Variants in ABCB9 observed in about 807,000 individuals in gnomAD.
ABCB9 encodes the protein ATP binding cassette subfamily B member 9, also known as ABC-type oligopeptide transporter ABCB9.
In ABCB9, 36 loss-of-function variants were observed where a neutral mutation model predicts 62.0. The observed-to-expected ratio is 0.58, with a 90% CI of 0.45 to 0.77. The LOEUF is 0.77. Ranked by LOEUF, ABCB9 falls within the 30% of genes least tolerant of loss-of-function variation. ABCB9 has a pLI of 0.00. For missense variants in ABCB9, 943 were observed against 1,054.7 expected (o/e 0.89, Z 1.47); for synonymous variants, 435 against 461.4 (o/e 0.94, Z 0.73).
downstream of ABCB9, among the ~76,000 whole-genome samples, chr12:122,920,120 G>A (rs1460165353): frequency 2.6e-5 from 4 of 151,832 alleles, no homozygotes; most frequent in African/African-American, 9.7e-5. Context: ...ACCTCAAGTG[G>A]TCCGCCTGCC....
rs1312224494 is a variant in ABCB9, at chr12:122,930,075, G to T, written c.2137C>A (p.Leu713Met). 1.9e-6 allele frequency: 3 copies of T among 1,565,404 alleles called. No individual in the cohort carries two copies. In the Admixed American group the frequency reaches 5.7e-5, roughly 30 times the overall value. ...TGCTGCACTACGCGGCCCTTGTCCA[G>T]CACCACAATGAGGTGCGCGTGCTCC... ...TVEHAHLIVV[L>M]DKGRVVQQGT... Residue 713 changes from leucine (L) to methionine (M), a missense_variant, in exon 12 of 12, where the codon CTG becomes ATG. Transcript: ENST00000280560. The surrounding 1 kb of genome is among the most constrained non-coding windows in gnomAD (Gnocchi z 4.9).
intron 1 of ABCB9, among the ~76,000 whole-genome samples, chr12:122,963,242 G>A (rs1403439953): frequency 1.3e-5 from 2 of 152,192 alleles, no homozygotes; most frequent in Non-Finnish European, 2.9e-5. Context: ...AGGTTGCGGT[G>A]AGCCGAGATT....
At chr12:122,936,858 C>G (rs2035482298) in intron 9 of ABCB9, among the ~76,000 whole-genome samples, 2 of 150,218 alleles carry the variant, frequency 1.3e-5, no homozygotes. Flanking sequence ...GAGCTGAGAT[C>G]GTGCCATTGT....
chr12:122,953,272 GCA>G (rs2036456019), intron 2 of ABCB9, among the ~76,000 whole-genome samples: 7 of 151,772 alleles, frequency 4.6e-5, no homozygotes, highest in African/African-American at 1.7e-4. Context: ...GAGTGCAGTG[GCA>G]TGATCTCAGC....
intron 2 of ABCB9, chr12:122,951,867 G>C (rs750188199): frequency 2.0e-5 from 3 of 152,212 alleles, no homozygotes; most frequent in Non-Finnish European, 2.9e-5. Context: ...CTTTCAACCT[G>C]GGGGCTCTTT....
In ABCB9 at chr12:122,929,316, G is replaced by T; in HGVS notation, c.*595C>A. 1.0e-6 allele frequency: 1 copy of T among 985,970 alleles called. No individual in the cohort carries two copies. 61.1% of individuals were successfully genotyped at this position (985,970 alleles called of 1,614,324 possible). A position where few individuals can be genotyped will look rare whatever the true frequency, so the allele number is the denominator to read the frequency against. On this transcript the variant is annotated 3_prime_UTR_variant, in exon 12 of 12. Coordinates refer to ENST00000280560, the MANE Select transcript of ABCB9 (RefSeq NM_019625.4). The surrounding 1 kb of genome is among the most constrained non-coding windows in gnomAD (Gnocchi z 6.0). ...TTCACAGTGAGACTGGCTTAGATTG[G>T]CAGCGGGCGATGGCAGACAGATGCC...
chr12:122,954,826 A>C lies in ABCB9; in HGVS notation c.602-4261T>G, dbSNP rs1343589369. On this transcript the variant is annotated intron_variant, in intron 2 of 11. Transcript: ENST00000280560. ...ACCTTAATTTAATAAGAGATACTCA[A>C]CCCTAAAACTAACATTTCCCAATGG... Among the ~76,000 whole-genome samples, 3 of 152,156 alleles carry C rather than the reference A, an allele frequency of 2.0e-5. No homozygotes were observed. In the East Asian group the frequency reaches 5.8e-4, roughly 29 times the overall value.
In ABCB9 at chr12:122,966,420, G is replaced by A. The variant is rs1462005105; in HGVS notation, c.-221C>T. On this transcript the variant is annotated 5_prime_UTR_variant, in exon 1 of 12. Coordinates refer to ENST00000280560, the MANE Select transcript of ABCB9 (RefSeq NM_019625.4). ...TCCGCTCTTCCCGCTGCTCCTCCCC[G>A]CCTCCCACCCGCGCTGCGCCGCTGC... The A allele has an allele frequency of 1.3e-5, 2 of 152,494 alleles. No homozygotes were observed. Among genetic ancestry groups the A allele is most frequent in the East Asian group, 1.9e-4 (1 of 5,206 alleles). The allele number at this position is 152,494 out of a possible 1,614,324, so 9.4% of individuals were successfully genotyped here.
upstream of ABCB9, among the ~76,000 whole-genome samples, chr12:122,967,032 T>G (rs960681247): frequency 6.6e-6 from 1 of 152,168 alleles, no homozygotes; most frequent in Non-Finnish European, 1.5e-5. Context: ...ACAACACATA[T>G]AAGCAAATGA....
At chr12:122,948,922 GAAGCC>G in intron 4 of ABCB9, 93 bp from the exon 5 acceptor site, 1 of 949,998 alleles carries the variant, frequency 1.1e-6, no homozygotes, top group Non-Finnish European at 1.4e-6. Context: ...CAGACACTGG[GAAGCC>G]GGGCCTCCCT....
intron 2 of ABCB9, among the ~76,000 whole-genome samples, chr12:122,958,548 G>A (rs542301573): frequency 6.6e-6 from 1 of 152,142 alleles, no homozygotes; most frequent in Non-Finnish European, 1.5e-5. Flanking sequence ...AGAATTAGAA[G>A]TGAAACACAG....
At chr12:122,946,285 C>A in intron 5 of ABCB9, 63 bp from the exon 6 acceptor site, 3 of 1,568,982 alleles carry the variant, frequency 1.9e-6, no homozygotes, top group Non-Finnish European at 2.6e-6. Context: ...GTACTGGAGC[C>A]CCCAGGCCTC....
Position 122,959,573 on chromosome 12 carries a change from G to A in ABCB9, c.601+62C>T. Reference sequence around the variant, plus strand: ...GTAAGTAAAATCTTTTAAAATCTAAGGCAGTCATATCCACCTAATTTGATG... The same window carrying A: ...GTAAGTAAAATCTTTTAAAATCTAAAGCAGTCATATCCACCTAATTTGATG... On this transcript the variant is annotated intron_variant, in intron 2 of 11. Coordinates refer to ENST00000280560, the MANE Select transcript of ABCB9 (RefSeq NM_019625.4). The surrounding 1 kb of genome is among the most constrained non-coding windows in gnomAD (Gnocchi z 5.4). 1 of 1,508,106 alleles carries A rather than the reference G, an allele frequency of 6.6e-7. No individual in the cohort carries two copies. The highest frequency in any genetic ancestry group is 8.9e-7 in the Non-Finnish European group (1 of 1,128,124). 93.4% of individuals were successfully genotyped at this position (1,508,106 alleles called of 1,614,324 possible). A position where few individuals can be genotyped will look rare whatever the true frequency, so the allele number is the denominator to read the frequency against.
rs967175620 is a variant in ABCB9, at chr12:122,964,278, C to T, written c.-88+2009G>A. Among the ~76,000 whole-genome samples the T allele has an allele frequency of 2.6e-5, 4 of 152,222 alleles. No individual in the cohort carries two copies. Among genetic ancestry groups the T allele is most frequent in the African/African-American group, 9.7e-5 (4 of 41,448 alleles). On this transcript the variant is annotated intron_variant, in intron 1 of 11. Transcript: ENST00000280560. This position sits in a 1 kb window ranked among gnomAD's most constrained non-coding sequence, Gnocchi z 4.7. ...GGGGAATTCCTTCCCCATCCCCCAA[C>T]AGCCCAGGGTACCAGTCATGCCCCC...
At chr12:122,938,035 A>G (rs982992626) in intron 9 of ABCB9, among the ~76,000 whole-genome samples, 1 of 152,222 alleles carries the variant, frequency 6.6e-6, no homozygotes, top group Admixed American at 6.5e-5. Flanking sequence ...AAATTGTAAA[A>G]TGTAAATTGG....
Position 122,946,263 on chromosome 12 carries a change from CA to C in ABCB9, c.1054-42del, listed in dbSNP as rs765981994. On this transcript the variant is annotated intron_variant, in intron 5 of 11. Coordinates refer to ENST00000280560, the MANE Select transcript of ABCB9 (RefSeq NM_019625.4). ...GGACAAGAAGGAGAAGACCCCAAAA[CA>C]GCCTCACTATGTACTGGAGCCCCCA... The C allele has an allele frequency of 1.1e-5, 17 of 1,609,386 alleles. 1 individual carries two copies. Among genetic ancestry groups the C allele is most frequent in the South Asian group, 3.3e-5 (3 of 90,732 alleles).
At chr12:122,925,995 C>T (rs994672851), downstream of ABCB9, among the ~76,000 whole-genome samples, 6 of 152,108 alleles carry the variant, frequency 3.9e-5, no homozygotes, top group Non-Finnish European at 8.8e-5. Context: ...CGAAAGGCCA[C>T]GTAGTATAGG....
chr12:122,927,384 C>A (rs575828955), downstream of ABCB9, among the ~76,000 whole-genome samples: 12 of 152,146 alleles, frequency 7.9e-5, no homozygotes, highest in Non-Finnish European at 1.3e-4. Context: ...GTTGGCCAGG[C>A]TGGTCTTGAA....
chr12:122,923,447 C>T (rs555909571), intron 11 of ABCB9, among the ~76,000 whole-genome samples: 15 of 152,186 alleles, frequency 9.9e-5, no homozygotes, highest in Admixed American at 2.0e-4. Context: ...CCACCACGCC[C>T]GGCTAATTTT....
Sources: allele counts gnomAD v4.1 joint callset (sites outside exome capture counted in the v4.1 genomes callset), GRCh38; gene constraint gnomAD v4.1.1; non-coding constraint Gnocchi (gnomAD v3.1); transcripts MANE v1.5; gene names NCBI Gene and HGNC (gene_info 2026-07-23, HGNC 2026-07-21).